The following ADAMTS17 variants were observed in gnomAD, a reference collection of about 807,000 sequenced individuals.
ADAMTS17 encodes the protein ADAM metallopeptidase with thrombospondin type 1 motif 17.
A neutral mutation model predicts 141.5 loss-of-function variants in ADAMTS17; 113 were observed. That is an observed-to-expected ratio of 0.80 (90% CI 0.69 to 0.93). The LOEUF (loss-of-function observed/expected upper bound fraction) is 0.93, where lower values mean the gene tolerates loss of function less well. Ranked by LOEUF, ADAMTS17 falls within the 40% of genes least tolerant of loss-of-function variation. The pLI, the probability that ADAMTS17 is intolerant of heterozygous loss-of-function variation, is 0.00. For synonymous variants in ADAMTS17, 768 were observed against 630.6 expected, an observed-to-expected ratio of 1.22 and a Z score of -3.27; for missense variants, 1,659 against 1,517.9, an observed-to-expected ratio of 1.09 and a Z score of -1.54.
At chr15:100,190,773 C>T (rs1018659584) in intron 8 of ADAMTS17, among the ~76,000 whole-genome samples, 32 of 152,168 alleles carry the variant, frequency 2.1e-4, no homozygotes, top group Non-Finnish European at 3.8e-4. Flanking sequence ...CACCTGAGCA[C>T]GAAGGAAACC....
chr15:100,185,120 G>C (rs2040662653), intron 8 of ADAMTS17, among the ~76,000 whole-genome samples: 1 of 152,208 alleles, frequency 6.6e-6, no homozygotes, highest in Non-Finnish European at 1.5e-5. Flanking sequence ...GTGGTCAGCA[G>C]TGTGGACACT....
intron 7 of ADAMTS17, among the ~76,000 whole-genome samples, chr15:100,247,060 T>G (rs1475967687): frequency 2.0e-5 from 3 of 149,912 alleles, no homozygotes; most frequent in Non-Finnish European, 4.4e-5. Flanking sequence ...ATTTTTTGTA[T>G]TTTTTTTGTA....
chr15:100,147,668 C>T (rs1389035178), intron 10 of ADAMTS17, among the ~76,000 whole-genome samples: 2 of 152,226 alleles, frequency 1.3e-5, no homozygotes, highest in African/African-American at 4.8e-5. Flanking sequence ...ACTGAAACCT[C>T]ATGATGAGGC....
At chr15:100,275,924 G>A (rs2142053351) in intron 4 of ADAMTS17, among the ~76,000 whole-genome samples, 1 of 135,808 alleles carries the variant, frequency 7.4e-6, no homozygotes, top group South Asian at 2.7e-4. Flanking sequence ...TGGGGACAGG[G>A]TACTGTCTGG....
intron 15 of ADAMTS17, among the ~76,000 whole-genome samples, chr15:100,075,368 T>G (rs919323672): frequency 3.3e-5 from 5 of 152,226 alleles, no homozygotes; most frequent in African/African-American, 1.2e-4. Flanking sequence ...GATGGGCTTA[T>G]GGGAATTCCA....
chr15:100,331,967 A>G (rs1020314690), intron 2 of ADAMTS17, among the ~76,000 whole-genome samples: 10 of 148,392 alleles, frequency 6.7e-5, no homozygotes, highest in African/African-American at 2.5e-4. Flanking sequence ...ACTTAAGCCA[A>G]ATGAGATAGA....
chr15:100,040,766 A>T (rs1364173734), intron 18 of ADAMTS17, among the ~76,000 whole-genome samples: 2 of 152,174 alleles, frequency 1.3e-5, no homozygotes, highest in Non-Finnish European at 2.9e-5. Flanking sequence ...AGGCTTTAAA[A>T]CTTAACATTT....
chr15:100,056,292 T>C (rs2032558049), intron 15 of ADAMTS17, among the ~76,000 whole-genome samples: 1 of 152,114 alleles, frequency 6.6e-6, no homozygotes, highest in Non-Finnish European at 1.5e-5. Context: ...GTCTATTTGG[T>C]TTTAGGATCC....
intron 3 of ADAMTS17, among the ~76,000 whole-genome samples, chr15:100,307,530 G>A (rs985113610): frequency 6.6e-6 from 1 of 152,232 alleles, no homozygotes; most frequent in Non-Finnish European, 1.5e-5. Context: ...CTTTTCACAC[G>A]AGTCAATAAA....
At chr15:100,177,702 C>G (rs756751406) in intron 8 of ADAMTS17, among the ~76,000 whole-genome samples, 2 of 152,132 alleles carry the variant, frequency 1.3e-5, no homozygotes, top group Admixed American at 6.5e-5. Context: ...AATTTTCTGT[C>G]TAATATTTTT....
chr15:100,063,854 C>T (rs890825382), intron 15 of ADAMTS17: 5 of 839,762 alleles, frequency 6.0e-6, no homozygotes, highest in Non-Finnish European at 8.6e-6. Context: ...ACCAAGCCCC[C>T]CACAGTGGCT....
intron 3 of ADAMTS17, among the ~76,000 whole-genome samples, chr15:100,324,974 G>A (rs2045854264): frequency 6.6e-6 from 1 of 152,228 alleles, no homozygotes; most frequent in African/African-American, 2.4e-5. Context: ...GTTATCAAGA[G>A]TGTAACTGAA....
At chr15:100,286,322 G>A (rs562680768) in intron 3 of ADAMTS17, among the ~76,000 whole-genome samples, 4 of 152,160 alleles carry the variant, frequency 2.6e-5, no homozygotes, top group Non-Finnish European at 4.4e-5. Context: ...TGCTGCTGAG[G>A]CACAGGCAGT....
chr15:100,112,945 C>G (rs1283461716), intron 13 of ADAMTS17, among the ~76,000 whole-genome samples: 2 of 152,206 alleles, frequency 1.3e-5, no homozygotes, highest in African/African-American at 2.4e-5. Context: ...TCTCTCTGCT[C>G]TCTCTCTAGG....
At chr15:100,054,180 G>C in intron 15 of ADAMTS17, 126 bp from the exon 16 acceptor site, 2 of 1,106,226 alleles carry the variant, frequency 1.8e-6, no homozygotes, top group Non-Finnish European at 2.7e-6. Context: ...GAAGGAGGGA[G>C]GCCTGAAGCG....
chr15:99,993,171 C>G lies in ADAMTS17; in HGVS notation c.2826G>C (p.Trp942Cys). The part of the protein sequence containing the change: ...QCSASCGKGV[W>C]KRTVACTNSQ... ...AGTTGGTGCACGCCACGGTCCGTTT[C>G]CACACCCCTTTACCACAGCTGGCAG... The change falls in exon 20 of 22, where the codon TGG becomes TGC. Residue 942 changes from tryptophan to cysteine, a missense_variant. Transcript: ENST00000268070. The surrounding 1 kb of genome is among the most constrained non-coding windows in gnomAD (Gnocchi z 4.3). 1 of 1,614,206 alleles carries G rather than the reference C, an allele frequency of 6.2e-7. No individual in the cohort carries two copies. The highest frequency in any genetic ancestry group is 8.5e-7 in the Non-Finnish European group (1 of 1,180,040).
chr15:100,306,349 G>A (rs180832143), intron 3 of ADAMTS17: 427 of 393,380 alleles, frequency 1.1e-3, no homozygotes, highest in Non-Finnish European at 1.9e-3. Context: ...CACAGCTCCT[G>A]CTGGGCTTGC....
chr15:99,999,687 G>A (rs2060880464), intron 18 of ADAMTS17, among the ~76,000 whole-genome samples: 1 of 152,170 alleles, frequency 6.6e-6, no homozygotes, highest in African/African-American at 2.4e-5. Context: ...TCGGCTCTGA[G>A]AGGACCACTG....
Position 99,971,597 on chromosome 15 carries a change from C to CAGTATGTAATGCAAGTTAA in ADAMTS17, c.*2786_*2804dup, listed in dbSNP as rs1406510531. The CAGTATGTAATGCAAGTTAA allele has an allele frequency of 6.6e-6, 1 of 152,050 alleles. No homozygotes were observed. Among genetic ancestry groups the CAGTATGTAATGCAAGTTAA allele is most frequent in the Non-Finnish European group, 1.5e-5 (1 of 68,018 alleles). 9.4% of individuals were successfully genotyped at this position (152,050 alleles called of 1,614,324 possible). A position where few individuals can be genotyped will look rare whatever the true frequency, so the allele number is the denominator to read the frequency against. On this transcript the variant is annotated 3_prime_UTR_variant, in exon 22 of 22. Coordinates refer to ENST00000268070, the MANE Select transcript of ADAMTS17 (RefSeq NM_139057.4). The stretch of plus-strand genomic sequence containing the variant: ...AAGTAAAACAAAAATTCCATGGGTA[C>CAGTATGTAATGCAAGTTAA]AGTATGTAATGCAAGTTAACGAATG...
Sources: allele counts gnomAD v4.1 joint callset (sites outside exome capture counted in the v4.1 genomes callset), GRCh38; gene constraint gnomAD v4.1.1; non-coding constraint Gnocchi (gnomAD v3.1); transcripts MANE v1.5; gene names NCBI Gene and HGNC (gene_info 2026-07-23, HGNC 2026-07-21).